KSR2: variants seen among roughly 807,000 people sequenced by gnomAD.
KSR2 encodes kinase suppressor of ras 2.
In KSR2, 25 loss-of-function variants were observed where a neutral mutation model predicts 107.8. That is an observed-to-expected ratio of 0.23 (90% CI 0.17 to 0.32). KSR2 has a LOEUF of 0.32. Ranked by LOEUF, KSR2 falls within the 10% of genes least tolerant of loss-of-function variation. The probability of loss-of-function intolerance (pLI) is 1.00; values close to 1 mark genes in which losing one functional copy is unlikely to be tolerated. For missense variants in KSR2, 887 were observed against 1,268.9 expected (o/e 0.70, Z 4.57); for synonymous variants, 480 against 507.0 (o/e 0.95, Z 0.71).
At chr12:117,761,587 C>T in intron 3 of KSR2, 63 bp from the exon 4 acceptor site, 2 of 1,463,836 alleles carry the variant, frequency 1.4e-6, no homozygotes, top group East Asian at 4.5e-5. Flanking sequence ...TGAGTTACAC[C>T]ATACACACCA....
At chr12:117,966,022 C>T (rs1223247316) in intron 1 of KSR2, among the ~76,000 whole-genome samples, 1 of 151,936 alleles carries the variant, frequency 6.6e-6, no homozygotes, top group African/African-American at 2.4e-5. Context: ...GTTGCATGCT[C>T]TGTAGCATAC....
chr12:117,735,736 G>T (rs377355074), intron 4 of KSR2, among the ~76,000 whole-genome samples: 1 of 152,148 alleles, frequency 6.6e-6, no homozygotes, highest in Non-Finnish European at 1.5e-5. Context: ...TCACAGAACC[G>T]TAAGGCCACA....
At chr12:117,809,494 A>G (rs1891123012) in intron 3 of KSR2, among the ~76,000 whole-genome samples, 1 of 152,186 alleles carries the variant, frequency 6.6e-6, no homozygotes, top group Non-Finnish European at 1.5e-5. Context: ...AATCACCCCC[A>G]GTTGAGATTC....
intron 3 of KSR2, among the ~76,000 whole-genome samples, chr12:117,796,963 G>A (rs1299245808): frequency 2.0e-5 from 3 of 152,166 alleles, no homozygotes; most frequent in African/African-American, 4.8e-5. Flanking sequence ...CCTACTGAGT[G>A]CCGAGCTTTG....
chr12:117,844,997 T>A (rs763650836), intron 3 of KSR2, among the ~76,000 whole-genome samples: 4 of 151,894 alleles, frequency 2.6e-5, no homozygotes, highest in African/African-American at 4.8e-5. Flanking sequence ...ATAGAAAAAA[T>A]TAGCCAGGCG....
intron 4 of KSR2, 46 bp downstream of exon 4, chr12:117,760,965 C>T: frequency 6.2e-7 from 1 of 1,609,500 alleles, no homozygotes. Context: ...CAGCCCCTCG[C>T]AGGCCGGGTT....
intron 5 of KSR2, among the ~76,000 whole-genome samples, chr12:117,631,313 T>G (rs1340456404): frequency 6.6e-6 from 1 of 152,108 alleles, no homozygotes; most frequent in African/African-American, 2.4e-5. Context: ...AATAAAGAAA[T>G]AAATAAAAAT....
At chr12:117,823,018 C>A (rs57803421) in intron 3 of KSR2, among the ~76,000 whole-genome samples, 1 of 151,802 alleles carries the variant, frequency 6.6e-6, no homozygotes, top group African/African-American at 2.4e-5. Flanking sequence ...AGAATATGAA[C>A]GTCCAATCAG....
chr12:117,524,572 C>T (rs920488035), intron 14 of KSR2, among the ~76,000 whole-genome samples: 10 of 152,008 alleles, frequency 6.6e-5, no homozygotes, highest in Admixed American at 1.3e-4. Context: ...GAGGCTGAAG[C>T]GAAAGGATCT....
chr12:117,530,764 C>A (rs1875564579), intron 12 of KSR2, among the ~76,000 whole-genome samples, 177 bp downstream of exon 12: 1 of 152,132 alleles, frequency 6.6e-6, no homozygotes, highest in Non-Finnish European at 1.5e-5. Context: ...AGCTGTCACG[C>A]CCTTTCTCTT....
At chr12:117,847,686 G>A (rs535111519) in intron 3 of KSR2, among the ~76,000 whole-genome samples, 23 of 152,314 alleles carry the variant, frequency 1.5e-4, no homozygotes, top group Non-Finnish European at 2.8e-4. Context: ...ATGGCCCACC[G>A]TGGGGGCTGG....
chr12:117,484,334 C>A, intron 16 of KSR2, 82 bp downstream of exon 16: 1 of 1,516,254 alleles, frequency 6.6e-7, no homozygotes, highest in South Asian at 1.2e-5. Flanking sequence ...GAGTCTAGGT[C>A]ACTAAAGCCA....
At chr12:117,678,163 C>G (rs1885220676) in intron 4 of KSR2, among the ~76,000 whole-genome samples, 1 of 146,054 alleles carries the variant, frequency 6.8e-6, no homozygotes, top group African/African-American at 2.5e-5. Flanking sequence ...ATTGGCCAGG[C>G]TGGTCTTGAA....
intron 8 of KSR2, among the ~76,000 whole-genome samples, 175 bp downstream of exon 8, chr12:117,558,331 G>A (rs1392521583): frequency 2.0e-5 from 3 of 152,100 alleles, no homozygotes; most frequent in Non-Finnish European, 4.4e-5. Context: ...CAGGCATAGG[G>A]GAGGATAAAG....
intron 4 of KSR2, among the ~76,000 whole-genome samples, chr12:117,715,981 C>T (rs1413281400): frequency 6.6e-6 from 1 of 152,218 alleles, no homozygotes; most frequent in Non-Finnish European, 1.5e-5. Flanking sequence ...CTCTATCCCC[C>T]CGACACCTCC....
intron 5 of KSR2, among the ~76,000 whole-genome samples, chr12:117,604,436 T>C (rs1376115960): frequency 6.6e-6 from 1 of 152,224 alleles, no homozygotes; most frequent in Non-Finnish European, 1.5e-5. Flanking sequence ...GGAGTGAAAT[T>C]GCTGTGTTGT....
intron 4 of KSR2, among the ~76,000 whole-genome samples, chr12:117,713,145 A>G (rs1886853557): frequency 6.6e-6 from 1 of 150,858 alleles, no homozygotes; most frequent in African/African-American, 2.4e-5. Flanking sequence ...TAGATAGATA[A>G]AAGATAGAAG....
intron 3 of KSR2, among the ~76,000 whole-genome samples, chr12:117,811,122 C>G (rs903794132): frequency 1.3e-5 from 2 of 152,074 alleles, no homozygotes; most frequent in Non-Finnish European, 2.9e-5. Context: ...GGAGGGCAGG[C>G]CTGGCAAATA....
rs534698680 is a variant in KSR2 at position 117,785,411 on chromosome 12, T to A, written c.473-23887A>T. ...GCCTGGGCAACAGAGTGAGACTCCA[T>A]CTCAAAAAAAAAAAAAAAAAAAAAA... On this transcript the variant is annotated intron_variant, in intron 3 of 19. Transcript: ENST00000339824. 1.4e-3 allele frequency among the ~76,000 whole-genome samples: 55 copies of A among 39,868 alleles called. 1 individual carries two copies. The East Asian group carries it at 0.031, about 22-fold the overall frequency. 26.2% of individuals were successfully genotyped at this position (39,868 alleles called of 152,430 possible). A position where few individuals can be genotyped will look rare whatever the true frequency, so the allele number is the denominator to read the frequency against.
Sources: gnomAD v4.1 joint callset for allele counts (sites outside exome capture counted in the v4.1 genomes callset) on GRCh38, gnomAD v4.1.1 for gene constraint, MANE v1.5 for transcripts, NCBI Gene and HGNC (gene_info 2026-07-23, HGNC 2026-07-21) for gene names.